Variants in BAHCC1 observed in about 807,000 individuals in gnomAD.
BAHCC1 encodes BAH and coiled-coil domain-containing protein 1.
BAHCC1 carries 43 observed loss-of-function variants against 88.2 expected under a neutral mutation model. That is an observed-to-expected ratio of 0.49 (90% CI 0.38 to 0.63). The LOEUF (loss-of-function observed/expected upper bound fraction) is 0.63. Ranked by LOEUF, BAHCC1 falls within the 20% of genes least tolerant of loss-of-function variation. BAHCC1 has a pLI of 0.00. For synonymous variants in BAHCC1, 1,510 were observed against 745.5 expected (o/e 2.03, Z -16.71); for missense variants, 3,023 against 1,654.8 (o/e 1.83, Z -14.34).
rs541593540 is a variant in BAHCC1, at chr17:81,421,413, C to G, written c.179-5387C>G. Among the ~76,000 whole-genome samples, 3 of 152,330 alleles carry G rather than the reference C, an allele frequency of 2.0e-5. No individual in the cohort carries two copies. In the East Asian group the frequency reaches 5.8e-4, roughly 29 times the overall value. ...CAGTCACGGTGCCATCCCCAAACAC[C>G]GGGAGGCGGGGGTGACAGTAGAGGC... On this transcript the variant is annotated intron_variant, in intron 2 of 27. Coordinates refer to ENST00000675386, the MANE Select transcript of BAHCC1 (RefSeq NM_001377448.1).
In BAHCC1 at chr17:81,458,485, G is replaced by C. The variant is rs782554196; in HGVS notation, c.5343+19G>C. 7 of 687,246 alleles carry C rather than the reference G, an allele frequency of 1.0e-5. No individual in the cohort carries two copies. The Admixed American group carries it at 1.4e-4, about 14-fold the overall frequency. 42.6% of individuals were successfully genotyped at this position (687,246 alleles called of 1,614,324 possible). ...GCTGCGGGTGAGGCTGGGCTCTGGG[G>C]TGCTGGGCGGAGAGGGTGGGTGCCT... On this transcript the variant is annotated intron_variant, in intron 18 of 27. Transcript: ENST00000675386.
chr17:81,448,468 G>T (rs545717087), intron 11 of BAHCC1, among the ~76,000 whole-genome samples: 3 of 152,152 alleles, frequency 2.0e-5, no homozygotes, highest in African/African-American at 4.8e-5. Flanking sequence ...GCCTTGGTCC[G>T]GGCACTCCCT....
At position 81,462,002 on chromosome 17, in the gene BAHCC1, C is replaced by T. The variant is rs782800522; in HGVS notation, c.7339C>T (p.Leu2447=). The T allele has an allele frequency of 3.9e-6, 3 of 778,150 alleles. No individual in the cohort carries two copies. The highest frequency in any genetic ancestry group is 3.4e-5 in the African/African-American group (2 of 59,148). The allele number at this position is 778,150 out of a possible 1,614,324, so 48.2% of individuals were successfully genotyped here. The part of the protein sequence containing the change: ...VENRPKISAF[L]PARQLWKWSG... Reference sequence around the variant, plus strand: ...AAACCGGCCAAAGATCTCAGCCTTCCTGCCCGCCCGGCAGCTCTGGAAGTG... The same window carrying T: ...AAACCGGCCAAAGATCTCAGCCTTCTTGCCCGCCCGGCAGCTCTGGAAGTG... Residue 2447 remains leucine (L), a synonymous_variant, in exon 26 of 28, where the codon CTG becomes TTG. Coordinates refer to ENST00000675386, the MANE Select transcript of BAHCC1 (RefSeq NM_001377448.1).
At position 81,411,035 on chromosome 17, in the gene BAHCC1, C is replaced by T. The variant is rs1217448408; in HGVS notation, c.178+11118C>T. The stretch of plus-strand genomic sequence containing the variant: ...GTTGTCCATATGTCTGTGTGAAGGC[C>T]TGGGGCCCCCGTGCGCCTCCCCTCG... On this transcript the variant is annotated intron_variant, in intron 2 of 27. Transcript: ENST00000675386. The surrounding 1 kb of genome is among the most constrained non-coding windows in gnomAD (Gnocchi z 6.2). The T allele has an allele frequency of 5.8e-6, 3 of 517,570 alleles. No homozygotes were observed. The highest frequency in any genetic ancestry group is 3.9e-5 in the Admixed American group (2 of 51,336). The allele number at this position is 517,570 out of a possible 1,614,324, so 32.1% of individuals were successfully genotyped here.
chr17:81,407,538 C>T (rs1555647122), intron 2 of BAHCC1, among the ~76,000 whole-genome samples: 1 of 152,240 alleles, frequency 6.6e-6, no homozygotes, highest in African/African-American at 2.4e-5. Context: ...GATGCCCAGA[C>T]CGGAGACCCA....
intron 2 of BAHCC1, among the ~76,000 whole-genome samples, chr17:81,423,555 G>A (rs1198092506): frequency 6.6e-6 from 1 of 152,148 alleles, no homozygotes; most frequent in Non-Finnish European, 1.5e-5. Context: ...TTCCCGAGGG[G>A]GCAGGCCCCC....
At position 81,447,491 on chromosome 17, in the gene BAHCC1, G is replaced by A. The variant is rs782555853; in HGVS notation, c.3619G>A (p.Ala1207Thr). The A allele has an allele frequency of 2.3e-5, 17 of 745,456 alleles. No individual in the cohort carries two copies. Among genetic ancestry groups the A allele is most frequent in the South Asian group, 1.9e-4 (13 of 69,938 alleles). 46.2% of individuals were successfully genotyped at this position (745,456 alleles called of 1,614,324 possible). A position where few individuals can be genotyped will look rare whatever the true frequency, so the allele number is the denominator to read the frequency against. ...CTCCTCCCAAGTCCTGGAGCAGCGA[G>A]CAGGGAGTCCGGGTGCCCTTGAGGA... Reference protein sequence around the residue: ...GASSQVLEQRAGSPGALEDEG... With the variant: ...GASSQVLEQRTGSPGALEDEG... Residue 1207 changes from alanine (A) to threonine (T), a missense_variant, in exon 11 of 28, where the codon GCA becomes ACA. By Grantham distance (58) the Ala-to-Thr change is moderately conservative. Transcript: ENST00000675386.
intron 2 of BAHCC1, among the ~76,000 whole-genome samples, chr17:81,403,372 A>G (rs1259883818): frequency 6.6e-6 from 1 of 152,134 alleles, no homozygotes; most frequent in Non-Finnish European, 1.5e-5. Flanking sequence ...CTGGGAAACC[A>G]GGTGCTCTGA....
chr17:81,408,019 A>G (rs1354188794), intron 2 of BAHCC1, among the ~76,000 whole-genome samples: 4 of 152,022 alleles, frequency 2.6e-5, no homozygotes, highest in Non-Finnish European at 5.9e-5. Flanking sequence ...TGCAGGAGGG[A>G]GCAGAGCCCC....
chr17:81,416,887 G>A (rs1423112125), intron 2 of BAHCC1, among the ~76,000 whole-genome samples: 7 of 152,188 alleles, frequency 4.6e-5, no homozygotes, highest in African/African-American at 1.4e-4. Context: ...GTGGACACAG[G>A]GCCAAGAGCA....
chr17:81,438,826 C>G (rs1462127642), intron 4 of BAHCC1, among the ~76,000 whole-genome samples: 2 of 152,202 alleles, frequency 1.3e-5, no homozygotes, highest in Non-Finnish European at 2.9e-5. Flanking sequence ...CCTGCAGCCC[C>G]CAGCAGCCCG....
Position 81,455,288 on chromosome 17 carries a change from T to C in BAHCC1, c.4467T>C (p.Gly1489=), listed in dbSNP as rs2064727020. The change falls in exon 15 of 28, where the codon GGT becomes GGC. Residue 1489 remains glycine, a synonymous_variant. Transcript: ENST00000675386. ...KKVKAVRTSL[G]LLCAELRGGS... ...CCAGGGCGGTGCGGACAAGCCTGGG[T>C]CTGCTGTGTGCGGAGCTGCGAGGAG... 5.6e-6 allele frequency: 4 copies of C among 716,882 alleles called. No homozygotes were observed. The South Asian group carries it at 5.9e-5, about 11-fold the overall frequency. The allele number at this position is 716,882 out of a possible 1,614,324, so 44.4% of individuals were successfully genotyped here.
At chr17:81,419,241 G>A (rs189185812) in intron 2 of BAHCC1, among the ~76,000 whole-genome samples, 48 of 152,298 alleles carry the variant, frequency 3.2e-4, no homozygotes, top group Non-Finnish European at 6.2e-4. Context: ...CTCACCCCAG[G>A]CAGAGCCTGG....
At position 81,451,641 on chromosome 17, in the gene BAHCC1, C is replaced by A. The variant is rs781834901; in HGVS notation, c.3977-27C>A. ...AGGGGCAGTGTGTGCCCAGTTATGC[C>A]CATGCTGACCTTCCCATGCCGCACA... On this transcript the variant is annotated intron_variant, in intron 11 of 27. Transcript: ENST00000675386. 3.7e-5 allele frequency: 28 copies of A among 766,820 alleles called. No homozygotes were observed. The South Asian group carries it at 3.7e-4, about 10-fold the overall frequency. 47.5% of individuals were successfully genotyped at this position (766,820 alleles called of 1,614,324 possible). A position where few individuals can be genotyped will look rare whatever the true frequency, so the allele number is the denominator to read the frequency against.
intron 2 of BAHCC1, chr17:81,415,591 A>T (rs781934931): frequency 4.5e-5 from 23 of 510,914 alleles, no homozygotes; most frequent in Non-Finnish European, 8.2e-5. Flanking sequence ...TTCCTGGGAT[A>T]CTACAGCCTG....
chr17:81,411,376 G>A lies in BAHCC1; in HGVS notation c.178+11459G>A, dbSNP rs1430209331. Among the ~76,000 whole-genome samples, 1 of 151,648 alleles carries A rather than the reference G, an allele frequency of 6.6e-6. No homozygotes were observed. The highest frequency in any genetic ancestry group is 2.4e-5 in the African/African-American group (1 of 41,274). ...CGGGAGGCACCGGTGCCCTGTGGGT[G>A]GGAGCACTGCTGGCTCCATCCTCCA... On this transcript the variant is annotated intron_variant, in intron 2 of 27. Coordinates refer to ENST00000675386, the MANE Select transcript of BAHCC1 (RefSeq NM_001377448.1). The surrounding 1 kb of genome is among the most constrained non-coding windows in gnomAD (Gnocchi z 6.2).
chr17:81,458,788 C>T (rs534569828), intron 19 of BAHCC1, 25 bp from the exon 20 acceptor site: 4 of 760,770 alleles, frequency 5.3e-6, no homozygotes, highest in East Asian at 2.5e-5. Context: ...GCACCCCACC[C>T]AAGCCTGACT....
At chr17:81,413,404 G>T (rs2063979989) in intron 2 of BAHCC1, among the ~76,000 whole-genome samples, 1 of 152,188 alleles carries the variant, frequency 6.6e-6, no homozygotes, top group Admixed American at 6.5e-5. Flanking sequence ...CTGAGGCGAG[G>T]CTGGCCCTGT....
In BAHCC1 at chr17:81,459,106, C is replaced by G. The variant is rs782658241; in HGVS notation, c.5658C>G (p.Leu1886=). ...KEDLRDGLPV[L]IPKEDSLLYA... is the part of the protein sequence containing the mutation. ...ACCTGCGGGACGGGCTGCCCGTGCTCATCCCCAAGGAGGATAGCCTGCTGT... is the reference window on the plus strand; with the variant it reads ...ACCTGCGGGACGGGCTGCCCGTGCTGATCCCCAAGGAGGATAGCCTGCTGT... The change falls in exon 21 of 28, where the codon CTC becomes CTG. Residue 1886 remains leucine, a synonymous_variant. Coordinates refer to ENST00000675386, the MANE Select transcript of BAHCC1 (RefSeq NM_001377448.1). The G allele has an allele frequency of 3.4e-5, 26 of 771,872 alleles. No individual in the cohort carries two copies. The Admixed American group carries it at 4.3e-4, about 13-fold the overall frequency. 47.8% of individuals were successfully genotyped at this position (771,872 alleles called of 1,614,324 possible).
Sources: allele counts gnomAD v4.1 joint callset (sites outside exome capture counted in the v4.1 genomes callset), GRCh38; gene constraint gnomAD v4.1.1; non-coding constraint Gnocchi (gnomAD v3.1); transcripts MANE v1.5; gene names NCBI Gene and HGNC (gene_info 2026-07-23, HGNC 2026-07-21).